The following KNTC1 variants were observed in gnomAD, a reference collection of about 807,000 sequenced individuals.
The protein encoded by KNTC1 is kinetochore-associated protein 1.
KNTC1 carries 253 observed loss-of-function variants against 314.4 expected under a neutral mutation model. The observed-to-expected ratio is 0.80, with a 90% CI of 0.73 to 0.89. The LOEUF (loss-of-function observed/expected upper bound fraction) is 0.89. Ranked by LOEUF, KNTC1 falls within the 40% of genes least tolerant of loss-of-function variation. KNTC1 has a pLI of 0.00. For synonymous variants in KNTC1, 901 were observed against 901.4 expected, an observed-to-expected ratio of 1.00 and a Z score of 0.01; for missense variants, 2,475 against 2,572.9, an observed-to-expected ratio of 0.96 and a Z score of 0.82.
intron 24 of KNTC1, among the ~76,000 whole-genome samples, chr12:122,572,602 T>C (rs1331840387): frequency 6.6e-6 from 1 of 152,182 alleles, no homozygotes; most frequent in Non-Finnish European, 1.5e-5. Context: ...TATGCCTTTA[T>C]ATCTGGTTAT....
rs755628135 is a variant in KNTC1, at chr12:122,557,503, G to C, written c.1392G>C (p.Lys464Asn). The C allele has an allele frequency of 1.1e-5, 18 of 1,613,486 alleles. No individual in the cohort carries two copies. Among genetic ancestry groups the C allele is most frequent in the Non-Finnish European group, 1.3e-5 (15 of 1,179,726 alleles). ...ACGACGCTAAGGAAAATCTACATAA[G>C]ATCCAGGTATGTTTTTCTTGTCACA... Reference protein sequence around the residue: ...LVDDAKENLHKIQDDEFVVNY... With the variant: ...LVDDAKENLHNIQDDEFVVNY... Residue 464 changes from lysine (K) to asparagine (N), a missense_variant, in exon 17 of 64, where the codon AAG (lysine) becomes AAC (asparagine). Lys to Asn is a moderately conservative substitution (Grantham distance 94). Transcript: ENST00000333479.
intron 13 of KNTC1, among the ~76,000 whole-genome samples, chr12:122,550,069 A>G (rs1593516059): frequency 1.3e-5 from 2 of 152,108 alleles, no homozygotes; most frequent in Non-Finnish European, 2.9e-5. Context: ...TAGTCATCAT[A>G]TTAAAAAAAA....
intron 55 of KNTC1, 27 bp downstream of exon 55, chr12:122,613,788 C>A (rs1449827171): frequency 1.3e-6 from 2 of 1,559,270 alleles, no homozygotes; most frequent in Non-Finnish European, 1.7e-6. Flanking sequence ...GCCCCATTCC[C>A]AATTCCCTGC....
At position 122,620,469 on chromosome 12, in the gene KNTC1, T is replaced by C. The variant is rs1383904603; in HGVS notation, c.6150-10T>C. 1.9e-6 allele frequency: 3 copies of C among 1,609,542 alleles called. No homozygotes were observed. Among genetic ancestry groups the C allele is most frequent in the Middle Eastern group, 1.6e-4 (1 of 6,066 alleles). On this transcript the variant is annotated splice_polypyrimidine_tract_variant and intron_variant, in intron 59 of 63. Transcript: ENST00000333479. Reference sequence around the variant, plus strand: ...CCAGATTATTAACTAATTAATGTTCTCTCTCGAAGATGTCCAGTCTCAGGT... The same window carrying C: ...CCAGATTATTAACTAATTAATGTTCCCTCTCGAAGATGTCCAGTCTCAGGT...
Position 122,590,620 on chromosome 12 carries a change from G to A in KNTC1, c.4013G>A (p.Arg1338His), listed in dbSNP as rs199554625. The change falls in exon 41 of 64, where the codon CGC becomes CAC. Residue 1338 changes from arginine to histidine, a missense_variant. By Grantham distance (29) the Arg-to-His change is conservative. Coordinates refer to ENST00000333479, the MANE Select transcript of KNTC1 (RefSeq NM_014708.6). Reference protein sequence around the residue: ...TTLLHKVFNCRLVDLDLALGY... With the variant: ...TTLLHKVFNCHLVDLDLALGY... ...TTCTTCCTGTAGGTATTTAATTGTC[G>A]CTTGGTAGATCTTGACCTGGCGTTG... 1.2e-5 allele frequency: 19 copies of A among 1,611,022 alleles called. No individual in the cohort carries two copies. The highest frequency in any genetic ancestry group is 1.7e-4 in the Middle Eastern group (1 of 6,056).
At chr12:122,539,621 C>A in intron 4 of KNTC1, 55 bp from the exon 5 acceptor site, 1 of 1,215,784 alleles carries the variant, frequency 8.2e-7, no homozygotes, top group Non-Finnish European at 1.2e-6. Context: ...GAATAAAATC[C>A]TTGATTGTAT....
In KNTC1 at chr12:122,557,596, A is replaced by T. The variant is rs918954762; in HGVS notation, c.1399-4A>T. 5.0e-6 allele frequency: 8 copies of T among 1,613,116 alleles called. No homozygotes were observed. Among genetic ancestry groups the T allele is most frequent in the Non-Finnish European group, 6.8e-6 (8 of 1,179,462 alleles). On this transcript the variant is annotated splice_polypyrimidine_tract_variant and splice_region_variant and intron_variant, in intron 17 of 63. Coordinates refer to ENST00000333479, the MANE Select transcript of KNTC1 (RefSeq NM_014708.6). ...CCTTACTGTGTCTGGCATTTGTGAA[A>T]CAGGATGATGAATTTGTGGTGAATT...
At chr12:122,542,733 C>T (rs937298333) in intron 6 of KNTC1, among the ~76,000 whole-genome samples, 4 of 151,752 alleles carry the variant, frequency 2.6e-5, no homozygotes, top group East Asian at 1.9e-4. Flanking sequence ...TGTTGCACTC[C>T]AGCCTGGGCA....
At chr12:122,624,738 C>T (rs376995299) in intron 63 of KNTC1, 50 bp downstream of exon 63, 4 of 1,290,758 alleles carry the variant, frequency 3.1e-6, no homozygotes, top group Non-Finnish European at 3.4e-6. Context: ...TGTTTATATT[C>T]CTAGGGCCTT....
chr12:122,543,418 C>T (rs1962501357), intron 6 of KNTC1, among the ~76,000 whole-genome samples, 182 bp from the exon 7 acceptor site: 2 of 152,224 alleles, frequency 1.3e-5, no homozygotes, highest in African/African-American at 4.8e-5. Context: ...TGGAGAGGTA[C>T]TGGCTGGTGC....
At chr12:122,528,204 T>TA (rs1483724105) in intron 1 of KNTC1, among the ~76,000 whole-genome samples, 5 of 152,204 alleles carry the variant, frequency 3.3e-5, no homozygotes. Context: ...TGTGGGAAAT[T>TA]GAGACCCATA....
chr12:122,616,451 C>T (rs1050314747), intron 57 of KNTC1, among the ~76,000 whole-genome samples: 28 of 152,036 alleles, frequency 1.8e-4, no homozygotes, highest in Non-Finnish European at 2.6e-4. Context: ...TTAATAGAGA[C>T]GGGGTTTCAC....
intron 44 of KNTC1, among the ~76,000 whole-genome samples, chr12:122,599,823 C>A (rs1282267897): frequency 6.6e-6 from 1 of 152,030 alleles, no homozygotes; most frequent in Non-Finnish European, 1.5e-5. Context: ...AATAGGCCAG[C>A]CTGGGGAACA....
At chr12:122,624,256 G>C (rs1874762678) in intron 62 of KNTC1, among the ~76,000 whole-genome samples, 1 of 136,292 alleles carries the variant, frequency 7.3e-6, no homozygotes, top group Middle Eastern at 3.8e-3. Context: ...TGACTTCAAT[G>C]CCTCTTTTTC....
chr12:122,551,239 T>G, intron 13 of KNTC1, 80 bp from the exon 14 acceptor site: 1 of 933,090 alleles, frequency 1.1e-6, no homozygotes, highest in East Asian at 2.6e-5. Context: ...AATTCATGCC[T>G]GAACCAGTAG....
At chr12:122,537,550 A>G (rs1268926131) in intron 3 of KNTC1, among the ~76,000 whole-genome samples, 2 of 151,462 alleles carry the variant, frequency 1.3e-5, no homozygotes, top group Admixed American at 6.6e-5. Flanking sequence ...TCCTGAGTAG[A>G]CTGGATTACA....
At position 122,609,372 on chromosome 12, in the gene KNTC1, A is replaced by G. The variant is rs1032916282; in HGVS notation, c.5497-12A>G. On this transcript the variant is annotated splice_polypyrimidine_tract_variant and intron_variant, in intron 51 of 63. Transcript: ENST00000333479. ...TTTCAGTTTTTGACCTTTTTTTCCT[A>G]CCTTTTCAAAGAAACCATCAGAATT... is the stretch of plus-strand genomic sequence containing the variant. The G allele has an allele frequency of 5.8e-6, 9 of 1,555,374 alleles. No individual in the cohort carries two copies. The highest frequency in any genetic ancestry group is 4.1e-5 in the African/African-American group (3 of 73,558).
intron 44 of KNTC1, among the ~76,000 whole-genome samples, chr12:122,600,309 G>C (rs1036143719): frequency 2.6e-5 from 4 of 152,172 alleles, no homozygotes; most frequent in African/African-American, 9.6e-5. Flanking sequence ...ATGTTGGCCA[G>C]GCTGGTCTCA....
intron 3 of KNTC1, among the ~76,000 whole-genome samples, chr12:122,537,606 C>T (rs1485165140): frequency 2.6e-5 from 4 of 151,710 alleles, no homozygotes; most frequent in African/African-American, 7.3e-5. Context: ...TTAGTAGAGA[C>T]GGAGTTTCAC....
Sources: allele counts gnomAD v4.1 joint callset (sites outside exome capture counted in the v4.1 genomes callset), GRCh38; gene constraint gnomAD v4.1.1; transcripts MANE v1.5; gene names NCBI Gene and HGNC (gene_info 2026-07-23, HGNC 2026-07-21).